GGTA1: variants seen among roughly 807,000 people sequenced by gnomAD.
GGTA1 encodes the protein inactive N-acetyllactosaminide alpha-1,3-galactosyltransferase.
GGTA1 carries 5 observed loss-of-function variants against 2.6 expected under a neutral mutation model. The observed-to-expected ratio is 1.92, with a 90% CI of 1.00 to 4.04. GGTA1 has a LOEUF of 4.04. Among genes scored for constraint, GGTA1 ranks in the 30% most tolerant of loss-of-function variants. The pLI is 0.00. For synonymous variants in GGTA1, 17 were observed against 5.0 expected, an observed-to-expected ratio of 3.38 and a Z score of -3.19; for missense variants, 50 against 16.7, an observed-to-expected ratio of 2.99 and a Z score of -3.47.
chr9:121,495,161 C>G (rs1828964695), intron 1 of GGTA1, among the ~76,000 whole-genome samples: 1 of 151,334 alleles, frequency 6.6e-6, no homozygotes, highest in African/African-American at 2.4e-5. Context: ...CTCAGGTGAT[C>G]TGCCCACCTT....
chr9:121,470,591 C>T (rs938973637), intron 1 of GGTA1, among the ~76,000 whole-genome samples: 4 of 152,210 alleles, frequency 2.6e-5, no homozygotes, highest in African/African-American at 9.7e-5. Flanking sequence ...ACTGTCTTTG[C>T]AAAATTATAA....
At chr9:121,492,132 C>T (rs1426426458) in intron 1 of GGTA1, among the ~76,000 whole-genome samples, 1 of 152,204 alleles carries the variant, frequency 6.6e-6, no homozygotes, top group East Asian at 1.9e-4. Context: ...CTTCTAGCGC[C>T]TCAGTTCCTG....
chr9:121,493,375 C>G (rs906420364), intron 1 of GGTA1, among the ~76,000 whole-genome samples: 1 of 152,114 alleles, frequency 6.6e-6, no homozygotes, highest in Non-Finnish European at 1.5e-5. Context: ...ACCCGGCTTT[C>G]ATGCCTCAGT....
chr9:121,459,045 G>C (rs2064937903), intron 5 of GGTA1, among the ~76,000 whole-genome samples: 1 of 152,156 alleles, frequency 6.6e-6, no homozygotes, highest in Non-Finnish European at 1.5e-5. Context: ...ATGACATATG[G>C]GAAGCCAAAA....
chr9:121,481,862 G>T (rs1307036042), intron 1 of GGTA1, among the ~76,000 whole-genome samples: 1 of 151,586 alleles, frequency 6.6e-6, no homozygotes, highest in African/African-American at 2.4e-5. Flanking sequence ...TGGGCGTGGT[G>T]GTGCATGCCT....
chr9:121,484,506 A>C (rs1477709965), intron 1 of GGTA1, among the ~76,000 whole-genome samples: 1 of 151,924 alleles, frequency 6.6e-6, no homozygotes, highest in East Asian at 1.9e-4. Flanking sequence ...CTGGTCTCGA[A>C]CTCCTGACCT....
At chr9:121,479,563 G>T (rs1828590170) in intron 1 of GGTA1, among the ~76,000 whole-genome samples, 1 of 152,108 alleles carries the variant, frequency 6.6e-6, no homozygotes, top group Non-Finnish European at 1.5e-5. Flanking sequence ...AGGAGGAAAG[G>T]CCACCACCCA....
chr9:121,467,843 C>A lies in GGTA1; in HGVS notation c.80G>T (p.Ser27Ile), dbSNP rs2065015680. 4.4e-6 allele frequency: 2 copies of A among 455,414 alleles called. No individual in the cohort carries two copies. Among genetic ancestry groups the A allele is most frequent in the Non-Finnish European group, 8.8e-6 (2 of 226,490 alleles). The allele number at this position is 455,414 out of a possible 1,614,324, so 28.2% of individuals were successfully genotyped here. ...VIIVFWEFIN[S>I]TEGSFLWIYH... ...TCACTTCATCATGTTTCATAATTAC[C>A]TGTTGATAAATTCCCAAAACACAAT... The change falls in exon 2 of 6, where the codon AGC becomes ATC. Residue 27 changes from serine (S) to isoleucine (I), a missense_variant and splice_region_variant. Coordinates refer to ENST00000481799, the MANE Select transcript of GGTA1 (RefSeq NM_001382585.1).
At chr9:121,488,211 A>G (rs912197510) in intron 1 of GGTA1, among the ~76,000 whole-genome samples, 1 of 152,096 alleles carries the variant, frequency 6.6e-6, no homozygotes, top group Non-Finnish European at 1.5e-5. Flanking sequence ...CTATTCAGAC[A>G]TGATCATAGC....
At chr9:121,485,730 C>T (rs1828743453) in intron 1 of GGTA1, among the ~76,000 whole-genome samples, 1 of 152,144 alleles carries the variant, frequency 6.6e-6, no homozygotes, top group Non-Finnish European at 1.5e-5. Context: ...ATGGGATCAG[C>T]AGAGCAGGGC....
intron 1 of GGTA1, among the ~76,000 whole-genome samples, chr9:121,498,752 C>A (rs2118794154): frequency 6.6e-6 from 1 of 152,316 alleles, no homozygotes; most frequent in Middle Eastern, 3.4e-3. Context: ...GTCTCGGTTC[C>A]TTCCTGCCGG....
intron 1 of GGTA1, among the ~76,000 whole-genome samples, chr9:121,473,976 A>G (rs13300297): frequency 4.0e-5 from 5 of 125,756 alleles, no homozygotes; most frequent in African/African-American, 5.9e-5. Flanking sequence ...AGGGAGGGAG[A>G]GAGAGAGAGA....
At chr9:121,488,127 G>GTA (rs1353762818) in intron 1 of GGTA1, among the ~76,000 whole-genome samples, 1 of 150,334 alleles carries the variant, frequency 6.7e-6, no homozygotes, top group Non-Finnish European at 1.5e-5. Flanking sequence ...GTGCGTGCAT[G>GTA]TGTGTGTGTG....
chr9:121,485,287 C>T (rs1425779983), intron 1 of GGTA1, among the ~76,000 whole-genome samples: 1 of 152,140 alleles, frequency 6.6e-6, no homozygotes, highest in Non-Finnish European at 1.5e-5. Context: ...GGCAGGCAGA[C>T]AGAATGGAGC....
chr9:121,470,224 G>A (rs928861393), intron 1 of GGTA1, among the ~76,000 whole-genome samples: 2 of 152,204 alleles, frequency 1.3e-5, no homozygotes, highest in Admixed American at 1.3e-4. Context: ...GATGGAAAGT[G>A]GTAGATTAAT....
chr9:121,490,225 G>A (rs10985272), intron 1 of GGTA1, among the ~76,000 whole-genome samples: 41,246 of 151,996 alleles, frequency 0.27, 6,111 homozygotes, highest in Middle Eastern at 0.37. Flanking sequence ...CAATAGTACC[G>A]CATGCCAGGC....
At chr9:121,472,191 G>C (rs1454073511) in intron 1 of GGTA1, among the ~76,000 whole-genome samples, 2 of 152,154 alleles carry the variant, frequency 1.3e-5, no homozygotes, top group Non-Finnish European at 2.9e-5. Flanking sequence ...AAATATTGAT[G>C]TATTTTATTA....
intron 1 of GGTA1, among the ~76,000 whole-genome samples, chr9:121,479,606 A>T (rs889393176): frequency 6.6e-6 from 1 of 152,144 alleles, no homozygotes; most frequent in Non-Finnish European, 1.5e-5. Flanking sequence ...GGCCCACATC[A>T]CACACTACTG....
At position 121,476,060 on chromosome 9, in the gene GGTA1, C is replaced by T. The variant is rs1828502548; in HGVS notation, c.-9-8129G>A. Among the ~76,000 whole-genome samples, 1 of 152,180 alleles carries T rather than the reference C, an allele frequency of 6.6e-6. No homozygotes were observed. Among genetic ancestry groups the T allele is most frequent in the African/African-American group, 2.4e-5 (1 of 41,430 alleles). On this transcript the variant is annotated intron_variant, in intron 1 of 5. Coordinates refer to ENST00000481799, the MANE Select transcript of GGTA1 (RefSeq NM_001382585.1). The surrounding 1 kb of genome is among the most constrained non-coding windows in gnomAD (Gnocchi z 4.6). ...GCCCATGGTCTGTTAATGCCCCCCA[C>T]ACAGTACCTATAATAATGATGATGC...
Sources: gnomAD v4.1 joint callset for allele counts (sites outside exome capture counted in the v4.1 genomes callset) on GRCh38, gnomAD v4.1.1 for gene constraint, Gnocchi (gnomAD v3.1) non-coding constraint, MANE v1.5 for transcripts, NCBI Gene and HGNC (gene_info 2026-07-23, HGNC 2026-07-21) for gene names.